Variants in CMIP observed in about 807,000 individuals in gnomAD.
CMIP encodes the protein C-Maf-inducing protein.
In CMIP, 13 loss-of-function variants were observed where a neutral mutation model predicts 97.3. The observed-to-expected ratio is 0.13, with a 90% CI of 0.09 to 0.21. The LOEUF (loss-of-function observed/expected upper bound fraction) is 0.21, where lower values mean the gene tolerates loss of function less well. CMIP is among the 10% of genes least tolerant of loss of function. CMIP has a pLI of 1.00. For missense variants in CMIP, 847 were observed against 1,024.9 expected (o/e 0.83, Z 2.37); for synonymous variants, 538 against 436.3 (o/e 1.23, Z -2.91).
At chr16:81,664,947 A>G (rs953145107) in intron 7 of CMIP, 1 of 154,514 alleles carries the variant, frequency 6.5e-6, no homozygotes, top group Non-Finnish European at 1.4e-5. Context: ...ACAAGGGGAC[A>G]GTCTACAAAG....
intron 1 of CMIP, among the ~76,000 whole-genome samples, chr16:81,559,159 C>T (rs536802383): frequency 2.6e-4 from 39 of 152,282 alleles, no homozygotes; most frequent in Admixed American, 6.5e-4. Context: ...AAGAGGGTGG[C>T]GCTTTTTGTT....
chr16:81,465,764 G>C (rs1907165561), intron 1 of CMIP, among the ~76,000 whole-genome samples: 1 of 152,172 alleles, frequency 6.6e-6, no homozygotes, highest in Admixed American at 6.5e-5. Flanking sequence ...GTCACCTGTG[G>C]GAAAGGCAGG....
chr16:81,649,963 G>T (rs890563028), intron 3 of CMIP, among the ~76,000 whole-genome samples: 1 of 152,186 alleles, frequency 6.6e-6, no homozygotes, highest in African/African-American at 2.4e-5. Flanking sequence ...ATATTTCATC[G>T]TGCTATTCAG....
chr16:81,695,374 A>T (rs900297856), intron 13 of CMIP: 3 of 152,214 alleles, frequency 2.0e-5, no homozygotes, highest in Admixed American at 6.5e-5. Context: ...TTTGAAGTCG[A>T]TAAGGGAACC....
At chr16:81,659,123 A>G (rs192098250) in intron 5 of CMIP, among the ~76,000 whole-genome samples, 8 of 152,356 alleles carry the variant, frequency 5.3e-5, no homozygotes, top group Non-Finnish European at 8.8e-5. Context: ...ACAGGAGGAC[A>G]AGTCAACCTG....
intron 1 of CMIP, chr16:81,603,370 C>T (rs1013347002): frequency 2.2e-6 from 1 of 454,336 alleles, no homozygotes; most frequent in Non-Finnish European, 4.4e-6. Context: ...GCGTGAGCCA[C>T]CGCGCCCGGC....
In CMIP at chr16:81,621,101, A is replaced by G. The variant is rs953316768; in HGVS notation, c.477+175A>G. ...CTGGCCCTTCGTCCTCTGCTGTTCA[A>G]TTCCTGTCCCCTGCAGTGCTGAAAT... On this transcript the variant is annotated intron_variant, in intron 3 of 20. Coordinates refer to ENST00000537098, the MANE Select transcript of CMIP (RefSeq NM_198390.3). This position sits in a 1 kb window ranked among gnomAD's most constrained non-coding sequence, Gnocchi z 4.1. 18 of 644,070 alleles carry G rather than the reference A, an allele frequency of 2.8e-5. No individual in the cohort carries two copies. In the African/African-American group the frequency reaches 2.9e-4, roughly 10 times the overall value. 39.9% of individuals were successfully genotyped at this position (644,070 alleles called of 1,614,324 possible).
At chr16:81,701,054 G>T (rs1026419767) in intron 15 of CMIP, among the ~76,000 whole-genome samples, 17 of 151,800 alleles carry the variant, frequency 1.1e-4, no homozygotes, top group Non-Finnish European at 5.9e-5. Context: ...GGATGCTGAG[G>T]TAGGAGGATC....
chr16:81,515,783 T>C (rs1041251087), intron 1 of CMIP, among the ~76,000 whole-genome samples: 2 of 152,090 alleles, frequency 1.3e-5, no homozygotes, highest in Non-Finnish European at 2.9e-5. Context: ...TCTCTGTAGG[T>C]TCTTGTGTCC....
chr16:81,691,912 TGG>T, intron 11 of CMIP, 72 bp downstream of exon 11: 6 of 1,315,692 alleles, frequency 4.6e-6, no homozygotes, highest in Non-Finnish European at 5.5e-6. Flanking sequence ...AAGGCCTTAG[TGG>T]GGGGCCAGTC....
At chr16:81,626,764 G>T (rs1318988938) in intron 3 of CMIP, among the ~76,000 whole-genome samples, 1 of 137,840 alleles carries the variant, frequency 7.3e-6, no homozygotes, top group African/African-American at 2.7e-5. Context: ...TGTGTGTGGT[G>T]TGTGGAGTGA....
chr16:81,612,108 T>C (rs1319245586), intron 2 of CMIP, among the ~76,000 whole-genome samples: 1 of 152,222 alleles, frequency 6.6e-6, no homozygotes, highest in African/African-American at 2.4e-5. Flanking sequence ...TGTAAGTACA[T>C]AGACAGTGTC....
intron 1 of CMIP, among the ~76,000 whole-genome samples, chr16:81,540,044 C>A (rs2090419744): frequency 6.6e-6 from 1 of 152,170 alleles, no homozygotes; most frequent in Admixed American, 6.5e-5. Flanking sequence ...GAAAGTAGTT[C>A]TCTAATTTGC....
At chr16:81,447,403 C>T (rs1905925872) in intron 1 of CMIP, among the ~76,000 whole-genome samples, 1 of 152,060 alleles carries the variant, frequency 6.6e-6, no homozygotes, top group African/African-American at 2.4e-5. Context: ...GTCCTGTTTC[C>T]GGAAAGCCAG....
chr16:81,658,570 G>A (rs1443824475), intron 5 of CMIP, among the ~76,000 whole-genome samples: 1 of 152,240 alleles, frequency 6.6e-6, no homozygotes, highest in Non-Finnish European at 1.5e-5. Context: ...GGGTTTTGAA[G>A]GATCAATAGG....
At chr16:81,512,645 TA>T (rs971807137) in intron 1 of CMIP, among the ~76,000 whole-genome samples, 2 of 152,234 alleles carry the variant, frequency 1.3e-5, no homozygotes, top group African/African-American at 4.8e-5. Flanking sequence ...GGTTTTTTTT[TA>T]AATATCAACA....
chr16:81,581,801 C>G (rs1481402490), intron 1 of CMIP, among the ~76,000 whole-genome samples: 3 of 152,162 alleles, frequency 2.0e-5, no homozygotes, highest in African/African-American at 7.2e-5. Flanking sequence ...GGGTTGGGAC[C>G]CAGGGAGCCT....
At chr16:81,484,232 C>G (rs1411006649) in intron 1 of CMIP, among the ~76,000 whole-genome samples, 2 of 152,190 alleles carry the variant, frequency 1.3e-5, no homozygotes, top group African/African-American at 4.8e-5. Context: ...TTCCTTCTGG[C>G]AAAGTCAGAT....
At chr16:81,571,408 C>T (rs916745164) in intron 1 of CMIP, among the ~76,000 whole-genome samples, 1 of 151,896 alleles carries the variant, frequency 6.6e-6, no homozygotes, top group African/African-American at 2.4e-5. Context: ...TTTGAGGCTG[C>T]AGCGAGCAGG....
Sources: gnomAD v4.1 joint callset for allele counts (sites outside exome capture counted in the v4.1 genomes callset) on GRCh38, gnomAD v4.1.1 for gene constraint, Gnocchi (gnomAD v3.1) non-coding constraint, MANE v1.5 for transcripts, NCBI Gene and HGNC (gene_info 2026-07-23, HGNC 2026-07-21) for gene names.